ACSBG1: variants seen among roughly 807,000 people sequenced by gnomAD.
ACSBG1 encodes the protein long-chain-fatty-acid--CoA ligase ACSBG1.
Under a neutral mutation model 80.2 loss-of-function variants are expected in ACSBG1, and 39 were observed. The ratio of observed to expected loss-of-function variants is 0.49; its 90% CI spans 0.38 to 0.64. ACSBG1 has a LOEUF of 0.64. Among genes scored for constraint, ACSBG1 ranks in the 30% least tolerant of loss-of-function variants. The pLI, the probability that ACSBG1 is intolerant of heterozygous loss-of-function variation, is 0.00. For missense variants in ACSBG1, 828 were observed against 966.4 expected (o/e 0.86, Z 1.90); for synonymous variants, 392 against 379.5 (o/e 1.03, Z -0.38).
In ACSBG1 at chr15:78,231,501, G is replaced by T. The variant is rs560169180; in HGVS notation, c.131+2870C>A. ...GGGTTTCAACATGTTACCCAGGCTG[G>T]TCTCGAACTCCTGGGCTTAAACAAT... On this transcript the variant is annotated intron_variant, in intron 1 of 13. Coordinates refer to ENST00000258873, the MANE Select transcript of ACSBG1 (RefSeq NM_015162.5). Among the ~76,000 whole-genome samples, 8 of 152,174 alleles carry T rather than the reference G, an allele frequency of 5.3e-5. No individual in the cohort carries two copies. In the South Asian group the frequency reaches 1.7e-3, roughly 32 times the overall value.
intron 1 of ACSBG1, among the ~76,000 whole-genome samples, chr15:78,229,504 T>C (rs1179922219): frequency 6.6e-6 from 1 of 152,210 alleles, no homozygotes; most frequent in African/African-American, 2.4e-5. Flanking sequence ...GGGAAAGCTC[T>C]GTCAGTGGGA....
In ACSBG1 at chr15:78,173,744, C is replaced by G. The variant is rs907363448; in HGVS notation, c.1938G>C (p.Val646=). The change falls in exon 13 of 14, where the codon GTG becomes GTC. Residue 646 remains valine, a synonymous_variant. Transcript: ENST00000258873. ...CQRVGSRATT[V]SEIIEKKDEA... ...CATCCTTCTTCTCTATGATCTCGGACACTGTGGTGGCTCTGCTGCCCACCC... is the reference window on the plus strand; with the variant it reads ...CATCCTTCTTCTCTATGATCTCGGAGACTGTGGTGGCTCTGCTGCCCACCC... The G allele has an allele frequency of 5.0e-6, 8 of 1,614,082 alleles. No individual in the cohort carries two copies. In the African/African-American group the frequency reaches 1.1e-4, roughly 22 times the overall value.
At chr15:78,190,930 T>TA (rs1567085321) in intron 5 of ACSBG1, among the ~76,000 whole-genome samples, 1 of 151,832 alleles carries the variant, frequency 6.6e-6, no homozygotes, top group African/African-American at 2.4e-5. Context: ...ATGGGACAAA[T>TA]AAAAAAATAG....
intron 2 of ACSBG1, among the ~76,000 whole-genome samples, chr15:78,199,153 G>A (rs1595891854): frequency 6.6e-6 from 1 of 150,974 alleles, no homozygotes; most frequent in African/African-American, 2.4e-5. Context: ...TTTTGAGACA[G>A]GGTCTCATTC....
intron 5 of ACSBG1, among the ~76,000 whole-genome samples, chr15:78,191,786 G>A (rs1017262704): frequency 3.3e-5 from 5 of 152,284 alleles, no homozygotes; most frequent in African/African-American, 1.2e-4. Flanking sequence ...TGCCTCTTGA[G>A]GCGGTGCATT....
chr15:78,167,496 T>C lies in ACSBG1; in HGVS notation c.*3948A>G, dbSNP rs1230956109. 5 of 152,216 alleles carry C rather than the reference T, an allele frequency of 3.3e-5. No individual in the cohort carries two copies. Among genetic ancestry groups the C allele is most frequent in the East Asian group, 1.9e-4 (1 of 5,206 alleles). 9.4% of individuals were successfully genotyped at this position (152,216 alleles called of 1,614,324 possible). ...AATTTGAGGTCCTTTTTAACAAAAA[T>C]TGTGAAAAATATGCATAACATAAAA... On this transcript the variant is annotated 3_prime_UTR_variant, in exon 14 of 14. Coordinates refer to ENST00000258873, the MANE Select transcript of ACSBG1 (RefSeq NM_015162.5).
At chr15:78,224,580 G>A (rs1459627735) in intron 1 of ACSBG1, among the ~76,000 whole-genome samples, 2 of 152,206 alleles carry the variant, frequency 1.3e-5, no homozygotes, top group Non-Finnish European at 2.9e-5. Context: ...AATTAGCCAG[G>A]CGTGGTGGCA....
At chr15:78,228,491 T>G (rs1415087841) in intron 1 of ACSBG1, among the ~76,000 whole-genome samples, 1 of 152,200 alleles carries the variant, frequency 6.6e-6, no homozygotes, top group Non-Finnish European at 1.5e-5. Context: ...GTGGGTTAGC[T>G]TTGGGCCCAG....
rs1361356414 is a variant in ACSBG1, at chr15:78,167,993, T to C, written c.*3451A>G. On this transcript the variant is annotated 3_prime_UTR_variant, in exon 14 of 14. Coordinates refer to ENST00000258873, the MANE Select transcript of ACSBG1 (RefSeq NM_015162.5). ...CCAGTAGAGAGGTGCCTGAATTACA[T>C]AGTGGGCCCTTTTATTGTGTAGGAT... 2.0e-5 allele frequency: 3 copies of C among 152,292 alleles called. No homozygotes were observed. Among genetic ancestry groups the C allele is most frequent in the African/African-American group, 4.8e-5 (2 of 41,562 alleles). The allele number at this position is 152,292 out of a possible 1,614,324, so 9.4% of individuals were successfully genotyped here. A position where few individuals can be genotyped will look rare whatever the true frequency, so the allele number is the denominator to read the frequency against.
chr15:78,193,449 G>A lies in ACSBG1; in HGVS notation c.663+57C>T. ...GGGAAGGTTCCGTGTGAGTTGGAGT[G>A]GAGGTGCATGGGGATACCCAGCATC... On this transcript the variant is annotated intron_variant, in intron 5 of 13. Coordinates refer to ENST00000258873, the MANE Select transcript of ACSBG1 (RefSeq NM_015162.5). 5 of 1,558,624 alleles carry A rather than the reference G, an allele frequency of 3.2e-6. No individual in the cohort carries two copies. The South Asian group carries it at 6.1e-5, about 19-fold the overall frequency.
At chr15:78,187,887 C>T (rs2075020904) in intron 5 of ACSBG1, among the ~76,000 whole-genome samples, 1 of 152,062 alleles carries the variant, frequency 6.6e-6, no homozygotes, top group Non-Finnish European at 1.5e-5. Context: ...GTCAAATTGT[C>T]CCTGTTTGCA....
At chr15:78,231,672 T>G (rs1212918970) in intron 1 of ACSBG1, among the ~76,000 whole-genome samples, 1 of 152,182 alleles carries the variant, frequency 6.6e-6, no homozygotes, top group Non-Finnish European at 1.5e-5. Context: ...CATTGCAGCC[T>G]CACACTCCTG....
intron 2 of ACSBG1, among the ~76,000 whole-genome samples, chr15:78,198,946 G>A (rs895331446): frequency 1.3e-5 from 2 of 152,104 alleles, no homozygotes; most frequent in African/African-American, 4.8e-5. Context: ...TGAATGAAGT[G>A]GCCCAGGATT....
chr15:78,215,752 AAG>A (rs1328665435), intron 1 of ACSBG1, among the ~76,000 whole-genome samples: 1 of 149,540 alleles, frequency 6.7e-6, no homozygotes, highest in Non-Finnish European at 1.5e-5. Context: ...GAAAGAAAGA[AAG>A]AAAGAAAGAA....
intron 5 of ACSBG1, among the ~76,000 whole-genome samples, chr15:78,186,950 G>C (rs947277408): frequency 3.9e-4 from 60 of 152,200 alleles, no homozygotes; most frequent in Middle Eastern, 3.4e-3. Flanking sequence ...GAAGAAAAGA[G>C]AGAAGAATCA....
rs762545563 is a variant in ACSBG1, at chr15:78,234,509, G to A, written c.-8C>T. ...TCCAGAATTGCGTGGCATCTGCCTC[G>A]GGCTTCCACTGAAGACAGCTCAGTC... On this transcript the variant is annotated 5_prime_UTR_variant, in exon 1 of 14. Transcript: ENST00000258873. The A allele has an allele frequency of 4.4e-5, 71 of 1,608,950 alleles. No homozygotes were observed. The highest frequency in any genetic ancestry group is 5.7e-5 in the Non-Finnish European group (67 of 1,179,896).
chr15:78,225,724 G>A (rs1253424489), intron 1 of ACSBG1, among the ~76,000 whole-genome samples: 1 of 152,026 alleles, frequency 6.6e-6, no homozygotes, highest in African/African-American at 2.4e-5. Flanking sequence ...AAAGGATCTA[G>A]TATATTAGGA....
chr15:78,189,934 CAG>C (rs2075042563), intron 5 of ACSBG1, among the ~76,000 whole-genome samples: 1 of 151,360 alleles, frequency 6.6e-6, no homozygotes, highest in African/African-American at 2.4e-5. Context: ...AAAGAACAAA[CAG>C]AATAGTTGTA....
At chr15:78,186,452 A>T (rs1256904084) in intron 5 of ACSBG1, among the ~76,000 whole-genome samples, 1 of 152,220 alleles carries the variant, frequency 6.6e-6, no homozygotes. Context: ...AATGTAAAAG[A>T]TCAGAAATTA....
Sources: gnomAD v4.1 joint callset for allele counts (sites outside exome capture counted in the v4.1 genomes callset) on GRCh38, gnomAD v4.1.1 for gene constraint, MANE v1.5 for transcripts, NCBI Gene and HGNC (gene_info 2026-07-23, HGNC 2026-07-21) for gene names.